Variants in PPARGC1A observed in about 807,000 individuals in gnomAD.
PPARGC1A encodes the protein PPARG coactivator 1 alpha.
Under a neutral mutation model 88.7 loss-of-function variants are expected in PPARGC1A, and 25 were observed. The observed-to-expected ratio is 0.28, with a 90% CI of 0.21 to 0.39. PPARGC1A has a LOEUF of 0.39. Among genes scored for constraint, PPARGC1A ranks in the 10% least tolerant of loss-of-function variants. The pLI is 1.00. For synonymous variants in PPARGC1A, 363 were observed against 355.6 expected (o/e 1.02, Z -0.24); for missense variants, 880 against 968.7 (o/e 0.91, Z 1.22).
At chr4:24,387,417 T>C in the PPARGC1A span, among the ~76,000 whole-genome samples, 1 of 152,046 alleles carries the variant, frequency 6.6e-6, no homozygotes, top group African/African-American at 2.4e-5. Flanking sequence ...CTAAAGAGCT[T>C]CTGCACAGCA....
At chr4:24,257,526 C>G in the PPARGC1A span, among the ~76,000 whole-genome samples, 1 of 152,112 alleles carries the variant, frequency 6.6e-6, no homozygotes, top group Admixed American at 6.5e-5. Flanking sequence ...GAAAATCTAC[C>G]AAAGCAGTTG....
the PPARGC1A span, among the ~76,000 whole-genome samples, chr4:23,935,325 G>A: frequency 6.6e-6 from 1 of 152,092 alleles, no homozygotes; most frequent in Non-Finnish European, 1.5e-5. Context: ...GATACAAATT[G>A]GTGAAATTAA....
the PPARGC1A span, among the ~76,000 whole-genome samples, chr4:23,988,663 A>G: frequency 2.0e-5 from 3 of 151,786 alleles, no homozygotes; most frequent in Admixed American, 6.6e-5. Flanking sequence ...ATATTTATGT[A>G]GAACAGGCAT....
the PPARGC1A span, among the ~76,000 whole-genome samples, chr4:24,417,702 GA>G: frequency 6.6e-6 from 1 of 152,152 alleles, no homozygotes; most frequent in Non-Finnish European, 1.5e-5. Flanking sequence ...TTACAATGTA[GA>G]AATAATTTGT....
In PPARGC1A at chr4:23,814,322, G is replaced by A. The variant is rs1721521354; in HGVS notation, c.1161C>T (p.Cys387=). 1.9e-6 allele frequency: 3 copies of A among 1,614,010 alleles called. No individual in the cohort carries two copies. The highest frequency in any genetic ancestry group is 2.5e-6 in the Non-Finnish European group (3 of 1,179,998). The change falls in exon 8 of 13, where the codon TGC becomes TGT. Residue 387 remains cysteine (C), a synonymous_variant. Transcript: ENST00000264867. The part of the protein sequence containing the change: ...SLRLFGDHDY[C]QSINSKTEIL... ...TTTCTGTTTTGGAATTAATTGACTG[G>A]CAATAGTCATGGTCACCAAACAGCC...
the PPARGC1A span, among the ~76,000 whole-genome samples, chr4:24,347,881 C>T: frequency 1.3e-5 from 2 of 151,460 alleles, no homozygotes; most frequent in South Asian, 2.1e-4. Flanking sequence ...TTTTATAGGT[C>T]CTATGTGATT....
the PPARGC1A span, among the ~76,000 whole-genome samples, chr4:24,011,421 C>A: frequency 6.6e-6 from 1 of 152,106 alleles, no homozygotes; most frequent in Non-Finnish European, 1.5e-5. Context: ...TAGAGACTCT[C>A]ATTCAAGGAG....
chr4:24,472,744 CG>C, the PPARGC1A span, among the ~76,000 whole-genome samples: 1 of 152,004 alleles, frequency 6.6e-6, no homozygotes, highest in Non-Finnish European at 1.5e-5. The surrounding 1 kb of genome is among the most constrained non-coding windows in gnomAD (Gnocchi z 4.5). Flanking sequence ...GGGCAGCCGC[CG>C]CCGCCGCCTG....
the PPARGC1A span, among the ~76,000 whole-genome samples, chr4:24,236,809 T>TA: frequency 6.6e-6 from 1 of 152,214 alleles, no homozygotes; most frequent in Non-Finnish European, 1.5e-5. Flanking sequence ...TACAGCTACT[T>TA]ATATGTTCGA....
the PPARGC1A span, among the ~76,000 whole-genome samples, chr4:24,019,470 T>C: frequency 6.6e-6 from 1 of 152,188 alleles, no homozygotes; most frequent in African/African-American, 2.4e-5. Flanking sequence ...TCCAAATTCA[T>C]TCACACTCTT....
chr4:24,066,848 GGTTTTTTTTT>G, the PPARGC1A span, among the ~76,000 whole-genome samples: 7 of 65,714 alleles, frequency 1.1e-4, no homozygotes. Context: ...GTTTGTTTTG[GGTTTTTTTTT>G]TTTTTTTTTT....
chr4:24,026,968 T>G, the PPARGC1A span, among the ~76,000 whole-genome samples: 1 of 152,244 alleles, frequency 6.6e-6, no homozygotes, highest in South Asian at 2.1e-4. Context: ...AAATATAAAT[T>G]AAGCCATTCA....
chr4:24,248,376 C>T, the PPARGC1A span, among the ~76,000 whole-genome samples: 2 of 152,010 alleles, frequency 1.3e-5, no homozygotes, highest in Non-Finnish European at 1.5e-5. Flanking sequence ...CTGCCCACCT[C>T]GGACTCCCAA....
chr4:23,998,575 C>A, the PPARGC1A span, among the ~76,000 whole-genome samples: 11 of 152,056 alleles, frequency 7.2e-5, no homozygotes, highest in Non-Finnish European at 1.3e-4. Context: ...AACAGGAAAC[C>A]TAGAATAACA....
At chr4:24,447,149 C>A in the PPARGC1A span, among the ~76,000 whole-genome samples, 1 of 152,168 alleles carries the variant, frequency 6.6e-6, no homozygotes, top group Non-Finnish European at 1.5e-5. Flanking sequence ...CAAGAAGTAA[C>A]TGTTAACACT....
At chr4:24,461,172 C>T in the PPARGC1A span, among the ~76,000 whole-genome samples, 1 of 152,252 alleles carries the variant, frequency 6.6e-6, no homozygotes, top group Non-Finnish European at 1.5e-5. Context: ...AATCCCTCTG[C>T]TTCAGCCTCC....
the PPARGC1A span, among the ~76,000 whole-genome samples, chr4:24,372,984 G>A: frequency 1.2e-4 from 18 of 152,156 alleles, no homozygotes; most frequent in Admixed American, 1.1e-3. Flanking sequence ...ACACCAGCCC[G>A]GGGGACACTT....
the PPARGC1A span, among the ~76,000 whole-genome samples, chr4:24,414,927 T>A: frequency 6.6e-6 from 1 of 152,158 alleles, no homozygotes; most frequent in African/African-American, 2.4e-5. Flanking sequence ...TGGTGGCTCA[T>A]GCCTGTAATC....
chr4:24,242,245 C>T, the PPARGC1A span, among the ~76,000 whole-genome samples: 13 of 152,190 alleles, frequency 8.5e-5, no homozygotes, highest in African/African-American at 2.9e-4. Flanking sequence ...TTCAGAGCCT[C>T]ATCTTCAGGA....
Sources: gnomAD v4.1 joint callset for allele counts (sites outside exome capture counted in the v4.1 genomes callset) on GRCh38, gnomAD v4.1.1 for gene constraint, Gnocchi (gnomAD v3.1) non-coding constraint, MANE v1.5 for transcripts, NCBI Gene and HGNC (gene_info 2026-07-23, HGNC 2026-07-21) for gene names.